EPDR1: variants seen among roughly 807,000 people sequenced by gnomAD.
The protein encoded by EPDR1 is mammalian ependymin-related protein 1.
A neutral mutation model predicts 23.7 loss-of-function variants in EPDR1; 27 were observed. The observed-to-expected ratio is 1.14, with a 90% CI of 0.84 to 1.57. The LOEUF is 1.57. EPDR1 is among the 40% of genes most tolerant of loss of function. The probability of loss-of-function intolerance (pLI) is 0.00; values close to 1 mark genes in which losing one functional copy is unlikely to be tolerated. For synonymous variants in EPDR1, 137 were observed against 118.2 expected (o/e 1.16, Z -1.03); for missense variants, 349 against 290.4 (o/e 1.20, Z -1.47).
intron 1 of EPDR1, among the ~76,000 whole-genome samples, chr7:37,932,757 T>C (rs62443117): frequency 0.044 from 6,676 of 152,276 alleles, 302 homozygotes; most frequent in Admixed American, 0.12. Context: ...TGATGCTATT[T>C]CTTTTTGTGG....
chr7:37,922,149 T>G (rs1163303985), intron 1 of EPDR1, among the ~76,000 whole-genome samples: 2 of 152,144 alleles, frequency 1.3e-5, no homozygotes, highest in Non-Finnish European at 2.9e-5. Context: ...ATTTGCATCA[T>G]TAGGAGTTGC....
In EPDR1 at chr7:37,950,248, A is replaced by C. The variant is rs1484374004; in HGVS notation, c.527A>C (p.Gln176Pro). 1.1e-5 allele frequency: 18 copies of C among 1,614,048 alleles called. No homozygotes were observed. The highest frequency in any genetic ancestry group is 1.5e-5 in the Non-Finnish European group (18 of 1,180,026). The part of the protein sequence containing the change: ...IYTVKDCYPV[Q>P]ETFTINYSVI... ...ACAGTCAAGGATTGCTATCCTGTCC[A>C]GGAAACCTTTACCATAAACTACAGT... Residue 176 changes from glutamine (Q) to proline (P), a missense_variant, in exon 3 of 3, where the codon CAG becomes CCG. Transcript: ENST00000199448.
chr7:37,948,562 G>A (rs185012812), intron 1 of EPDR1, among the ~76,000 whole-genome samples: 33 of 151,980 alleles, frequency 2.2e-4, no homozygotes, highest in Non-Finnish European at 4.4e-4. Flanking sequence ...TGCCCAGGCC[G>A]GTCTCAAACT....
rs530075261 is a variant in EPDR1, at chr7:37,945,986, C to T, written c.270-2854C>T. Among the ~76,000 whole-genome samples the T allele has an allele frequency of 2.5e-4, 38 of 152,278 alleles. 1 individual carries two copies. The South Asian group carries it at 7.3e-3, about 29-fold the overall frequency. On this transcript the variant is annotated intron_variant, in intron 1 of 2. Coordinates refer to ENST00000199448, the MANE Select transcript of EPDR1 (RefSeq NM_017549.5). Reference sequence around the variant, plus strand: ...TGAGAACATGCAGTATTTGCTTTTCCGTTTCTGTGTTAATTTGCTGAGGAT... The same window carrying T: ...TGAGAACATGCAGTATTTGCTTTTCTGTTTCTGTGTTAATTTGCTGAGGAT...
In EPDR1 at chr7:37,927,035, G is replaced by A. The variant is rs184384143; in HGVS notation, c.269+5827G>A. ...GTGTTTGGGCACTTCCTTGCTTTCC[G>A]GCACAGCAAGATATTTCAAGATCAT... On this transcript the variant is annotated intron_variant, in intron 1 of 2. Coordinates refer to ENST00000199448, the MANE Select transcript of EPDR1 (RefSeq NM_017549.5). 3.0e-4 allele frequency among the ~76,000 whole-genome samples: 45 copies of A among 152,116 alleles called. 1 individual carries two copies. The highest frequency in any genetic ancestry group is 5.8e-4 in the East Asian group (3 of 5,164).
At chr7:37,949,549 G>C (rs953812757) in intron 2 of EPDR1, among the ~76,000 whole-genome samples, 1 of 152,032 alleles carries the variant, frequency 6.6e-6, no homozygotes, top group African/African-American at 2.4e-5. Flanking sequence ...AACACAGTAT[G>C]GTGATTTCTC....
At chr7:37,926,485 A>T (rs1382254920) in intron 1 of EPDR1, among the ~76,000 whole-genome samples, 2 of 151,504 alleles carry the variant, frequency 1.3e-5, no homozygotes, top group East Asian at 3.9e-4. Flanking sequence ...TAGCAAAAAA[A>T]AAAAAAAAAA....
At chr7:37,943,749 G>T (rs888901704) in intron 1 of EPDR1, among the ~76,000 whole-genome samples, 3 of 151,992 alleles carry the variant, frequency 2.0e-5, no homozygotes, top group Non-Finnish European at 4.4e-5. Context: ...ACACCAAAAC[G>T]AACACTTGTG....
At chr7:37,944,963 A>G (rs768358943) in intron 1 of EPDR1, among the ~76,000 whole-genome samples, 3 of 152,220 alleles carry the variant, frequency 2.0e-5, no homozygotes, top group African/African-American at 4.8e-5. Context: ...TCTAGCCCAG[A>G]TATCTAGCAC....
At chr7:37,927,473 G>A (rs1344894714) in intron 1 of EPDR1, among the ~76,000 whole-genome samples, 1 of 152,080 alleles carries the variant, frequency 6.6e-6, no homozygotes, top group Non-Finnish European at 1.5e-5. Context: ...GTATCATTAC[G>A]CTGTCTCCTT....
chr7:37,949,095 G>C, intron 2 of EPDR1, 47 bp downstream of exon 2: 1 of 1,568,118 alleles, frequency 6.4e-7, no homozygotes, highest in Non-Finnish European at 8.7e-7. Context: ...TGCATGATGG[G>C]GAAAAAGGTT....
chr7:37,931,584 A>G (rs1430986517), intron 1 of EPDR1, among the ~76,000 whole-genome samples: 1 of 152,120 alleles, frequency 6.6e-6, no homozygotes, highest in Non-Finnish European at 1.5e-5. Flanking sequence ...TCGTTTCAAT[A>G]ATTTTTTTTC....
At chr7:37,945,319 A>G (rs1485396224) in intron 1 of EPDR1, among the ~76,000 whole-genome samples, 1 of 152,024 alleles carries the variant, frequency 6.6e-6, no homozygotes, top group Non-Finnish European at 1.5e-5. Flanking sequence ...GCACACTTAT[A>G]TTTCTTTCTA....
In EPDR1 at chr7:37,947,882, A is replaced by C. The variant is rs1490393337; in HGVS notation, c.270-958A>C. On this transcript the variant is annotated intron_variant, in intron 1 of 2. Coordinates refer to ENST00000199448, the MANE Select transcript of EPDR1 (RefSeq NM_017549.5). The stretch of plus-strand genomic sequence containing the variant: ...TCCCTGTCACTCCCCAGGAAGGGTG[A>C]GCAGGTGGTCACGGGAGGAGGCTGA... Among the ~76,000 whole-genome samples, 4 of 152,154 alleles carry C rather than the reference A, an allele frequency of 2.6e-5. No homozygotes were observed. The South Asian group carries it at 8.3e-4, about 32-fold the overall frequency.
chr7:37,945,717 T>C (rs928759865), intron 1 of EPDR1, among the ~76,000 whole-genome samples: 6 of 152,220 alleles, frequency 3.9e-5, no homozygotes, highest in African/African-American at 1.4e-4. Flanking sequence ...ATTATACTTT[T>C]TTTTCTTCAA....
At chr7:37,933,468 C>T (rs1267672835) in intron 1 of EPDR1, among the ~76,000 whole-genome samples, 1 of 152,186 alleles carries the variant, frequency 6.6e-6, no homozygotes, top group Non-Finnish European at 1.5e-5. Flanking sequence ...CCGTACTTAA[C>T]TACGAAGTTA....
At chr7:37,928,259 G>A (rs771970273) in intron 1 of EPDR1, among the ~76,000 whole-genome samples, 7 of 152,178 alleles carry the variant, frequency 4.6e-5, no homozygotes, top group Non-Finnish European at 1.0e-4. Context: ...GGGGCAAAGT[G>A]CCCAAAGATC....
intron 1 of EPDR1, among the ~76,000 whole-genome samples, chr7:37,935,249 G>A (rs904676401): frequency 1.8e-4 from 27 of 152,132 alleles, no homozygotes; most frequent in Admixed American, 3.3e-4. Context: ...ACAAATGCCT[G>A]CTGGGTCTTT....
chr7:37,925,118 CA>C (rs144440032), intron 1 of EPDR1, among the ~76,000 whole-genome samples: 3,313 of 152,258 alleles, frequency 0.022, 84 homozygotes, highest in East Asian at 0.09. Context: ...TTTCTAATTC[CA>C]ACTGTCTTTT....
Sources: allele counts gnomAD v4.1 joint callset (sites outside exome capture counted in the v4.1 genomes callset), GRCh38; gene constraint gnomAD v4.1.1; transcripts MANE v1.5; gene names NCBI Gene and HGNC (gene_info 2026-07-23, HGNC 2026-07-21).